FRMD5: variants seen among roughly 807,000 people sequenced by gnomAD.
The protein encoded by FRMD5 is FERM domain-containing protein 5.
In FRMD5, 20 loss-of-function variants were observed where a neutral mutation model predicts 69.0. The observed-to-expected ratio is 0.29, with a 90% confidence interval of 0.20 to 0.42. The LOEUF (loss-of-function observed/expected upper bound fraction) is 0.42, where lower values mean the gene tolerates loss of function less well. Ranked by LOEUF, FRMD5 falls within the 10% of genes least tolerant of loss-of-function variation. The probability of loss-of-function intolerance (pLI) is 1.00; values close to 1 mark genes in which losing one functional copy is unlikely to be tolerated. For synonymous variants in FRMD5, 271 were observed against 260.1 expected (o/e 1.04, Z -0.40); for missense variants, 595 against 708.6 (o/e 0.84, Z 1.82).
intron 1 of FRMD5, among the ~76,000 whole-genome samples, chr15:44,090,975 C>T (rs1305052933): frequency 6.6e-6 from 1 of 152,016 alleles, no homozygotes; most frequent in East Asian, 1.9e-4. Flanking sequence ...GCTTGGGGAC[C>T]CTGCACAAAG....
chr15:43,936,028 T>G (rs1164648671), intron 1 of FRMD5, among the ~76,000 whole-genome samples: 1 of 152,204 alleles, frequency 6.6e-6, no homozygotes, highest in Non-Finnish European at 1.5e-5. Context: ...TCTCATGATA[T>G]GCACTGCCTG....
At chr15:44,116,230 G>T (rs189597757) in intron 1 of FRMD5, among the ~76,000 whole-genome samples, 200 of 150,286 alleles carry the variant, frequency 1.3e-3, no homozygotes, top group African/African-American at 2.8e-3. Flanking sequence ...TATATATAGA[G>T]AGAGAGAGAG....
intron 1 of FRMD5, among the ~76,000 whole-genome samples, chr15:44,013,867 T>TTA (rs1294946645): frequency 6.7e-6 from 1 of 149,930 alleles, no homozygotes. Context: ...CTTTTTTTTT[T>TTA]TTTTTTTGAG....
intron 2 of FRMD5, 53 bp from the exon 3 acceptor site, chr15:43,919,862 A>G (rs2089462744): frequency 6.5e-7 from 1 of 1,527,806 alleles, no homozygotes; most frequent in Non-Finnish European, 9.1e-7. Context: ...GCTGTAAAAT[A>G]TAACTTGTTT....
intron 1 of FRMD5, among the ~76,000 whole-genome samples, chr15:44,139,600 A>G (rs2077236707): frequency 6.6e-6 from 1 of 151,678 alleles, no homozygotes; most frequent in South Asian, 2.1e-4. Context: ...GAATAAAAAA[A>G]GACATTACAG....
At chr15:44,061,188 T>C (rs955543256) in intron 1 of FRMD5, among the ~76,000 whole-genome samples, 14 of 152,180 alleles carry the variant, frequency 9.2e-5, no homozygotes, top group Non-Finnish European at 1.8e-4. Context: ...CAGATGCAAT[T>C]TTATCATTAT....
chr15:44,001,500 C>T (rs987499765), intron 1 of FRMD5, among the ~76,000 whole-genome samples: 13 of 151,934 alleles, frequency 8.6e-5, no homozygotes, highest in African/African-American at 2.9e-4. Context: ...ATGGAGCTTT[C>T]CCCCTATATT....
chr15:44,190,689 T>G (rs2078178104), intron 1 of FRMD5, among the ~76,000 whole-genome samples: 1 of 152,192 alleles, frequency 6.6e-6, no homozygotes, highest in South Asian at 2.1e-4. Context: ...CAAAACGGTT[T>G]GTAATGGAAT....
At chr15:44,189,490 C>CTTT (rs762693920) in intron 1 of FRMD5, among the ~76,000 whole-genome samples, 2 of 135,012 alleles carry the variant, frequency 1.5e-5, no homozygotes, top group Non-Finnish European at 1.6e-5. Context: ...AAAGTCAAGA[C>CTTT]TTTTTTTTTT....
At position 44,012,111 on chromosome 15, in the gene FRMD5, C is replaced by CTAA. The variant is rs1595622111; in HGVS notation, c.103-87803_103-87802insTTA. On this transcript the variant is annotated intron_variant, in intron 1 of 13. Coordinates refer to ENST00000417257, the MANE Select transcript of FRMD5 (RefSeq NM_032892.5). ...AAAGACCTTCATTTTAAGGATTCAG[C>CTAA]AGATACTGACAAATATTGACTTAAT... Among the ~76,000 whole-genome samples, 3 of 152,254 alleles carry CTAA rather than the reference C, an allele frequency of 2.0e-5. No homozygotes were observed. The East Asian group carries it at 5.8e-4, about 29-fold the overall frequency.
chr15:43,905,534 G>C (rs76877472), intron 6 of FRMD5, among the ~76,000 whole-genome samples: 1,536 of 152,208 alleles, frequency 0.01, 27 homozygotes, highest in East Asian at 0.058. Context: ...ATCATAGTGA[G>C]GCAGATGCCT....
chr15:44,175,989 C>T (rs1407743544), intron 1 of FRMD5, among the ~76,000 whole-genome samples: 1 of 152,110 alleles, frequency 6.6e-6, no homozygotes, highest in South Asian at 2.1e-4. Flanking sequence ...CAATACACTT[C>T]GTATCAAAAT....
At chr15:44,054,327 T>C (rs1892782147) in intron 1 of FRMD5, among the ~76,000 whole-genome samples, 2 of 152,180 alleles carry the variant, frequency 1.3e-5, no homozygotes, top group Admixed American at 1.3e-4. Context: ...TATCCTATTA[T>C]CTTCCCTGCA....
chr15:44,148,224 T>C (rs1408424209), intron 1 of FRMD5, among the ~76,000 whole-genome samples: 2 of 152,094 alleles, frequency 1.3e-5, no homozygotes, highest in Admixed American at 1.3e-4. Context: ...AATGAAGATA[T>C]AGGCATACCT....
chr15:44,069,616 T>C (rs919886142), intron 1 of FRMD5, among the ~76,000 whole-genome samples: 1 of 152,082 alleles, frequency 6.6e-6, no homozygotes, highest in East Asian at 1.9e-4. Flanking sequence ...ATGACTAAAT[T>C]ATAGAAATGG....
chr15:43,928,925 C>T (rs1469687391), intron 1 of FRMD5, among the ~76,000 whole-genome samples: 3 of 152,234 alleles, frequency 2.0e-5, no homozygotes, highest in Non-Finnish European at 4.4e-5. Flanking sequence ...GCAGCTACTT[C>T]TGAGGTTATT....
chr15:44,048,376 T>C (rs1387471662), intron 1 of FRMD5, among the ~76,000 whole-genome samples: 1 of 152,240 alleles, frequency 6.6e-6, no homozygotes, highest in Non-Finnish European at 1.5e-5. Context: ...GAGAAATGTC[T>C]ATTCAAATCC....
intron 1 of FRMD5, among the ~76,000 whole-genome samples, chr15:44,147,546 T>A (rs1275371442): frequency 1.3e-5 from 2 of 152,146 alleles, no homozygotes; most frequent in Non-Finnish European, 2.9e-5. Context: ...TATCATTGAG[T>A]CTGTAAATGA....
chr15:44,106,053 T>C (rs1476146755), intron 1 of FRMD5, among the ~76,000 whole-genome samples: 8 of 152,230 alleles, frequency 5.3e-5, no homozygotes, highest in Admixed American at 5.2e-4. Context: ...ATTGGTTTTT[T>C]ATTATTTTTT....
Sources: gnomAD v4.1 joint callset for allele counts (sites outside exome capture counted in the v4.1 genomes callset) on GRCh38, gnomAD v4.1.1 for gene constraint, MANE v1.5 for transcripts, NCBI Gene and HGNC (gene_info 2026-07-23, HGNC 2026-07-21) for gene names.